GPR137: variants seen among roughly 807,000 people sequenced by gnomAD.
The protein encoded by GPR137 is integral membrane protein GPR137.
A neutral mutation model predicts 38.9 loss-of-function variants in GPR137; 20 were observed. The ratio of observed to expected loss-of-function variants is 0.51; its 90% confidence interval spans 0.36 to 0.75. The LOEUF (loss-of-function observed/expected upper bound fraction) is 0.75. Ranked by LOEUF, GPR137 falls within the 30% of genes least tolerant of loss-of-function variation. GPR137 has a pLI of 0.00. For missense variants in GPR137, 456 were observed against 526.4 expected, an observed-to-expected ratio of 0.87 and a Z score of 1.31; for synonymous variants, 226 against 235.8, an observed-to-expected ratio of 0.96 and a Z score of 0.38.
At chr11:64,280,439 C>T (rs2033385838), upstream of GPR137, among the ~76,000 whole-genome samples, 2 of 146,694 alleles carry the variant, frequency 1.4e-5, no homozygotes, top group Admixed American at 1.3e-4. Flanking sequence ...GCAAGCTCTG[C>T]CTCCCGGGTT....
intron 2 of GPR137, 188 bp downstream of exon 2, chr11:64,287,202 A>G (rs1235339792): frequency 5.1e-6 from 5 of 985,320 alleles, no homozygotes; most frequent in Non-Finnish European, 6.0e-6. Context: ...TGCAAGGCAC[A>G]GGAATAGGAA....
chr11:64,283,773 C>G (rs936576009), upstream of GPR137, among the ~76,000 whole-genome samples: 1 of 152,130 alleles, frequency 6.6e-6, no homozygotes, highest in Non-Finnish European at 1.5e-5. Flanking sequence ...GATTTCTGTC[C>G]TAACCCCACA....
At chr11:64,271,602 C>T (rs1292317861), upstream of GPR137, 2 of 1,428,974 alleles carry the variant, frequency 1.4e-6, no homozygotes, top group African/African-American at 1.5e-5. Context: ...ACGCTGGGGA[C>T]TGGCGCTCAC....
chr11:64,284,849 C>G (rs1555071210), upstream of GPR137: 1 of 1,503,158 alleles, frequency 6.7e-7, no homozygotes, highest in Middle Eastern at 1.7e-4. Flanking sequence ...TTTCCTCCCT[C>G]CTTCGGCCCC....
upstream of GPR137, chr11:64,284,657 C>A: frequency 2.0e-6 from 3 of 1,534,264 alleles, no homozygotes; most frequent in Non-Finnish European, 2.6e-6. Context: ...AGGCCCCTGA[C>A]CCGGGCCTGC....
upstream of GPR137, chr11:64,271,979 G>A (rs894866867): frequency 2.0e-5 from 9 of 442,802 alleles, no homozygotes; most frequent in Non-Finnish European, 3.0e-5. Context: ...GGAAGCTCAG[G>A]GGCCTTTGGT....
At position 64,288,529 on chromosome 11, in the gene GPR137, G is replaced by A. The variant is rs2034403924; in HGVS notation, c.912+61G>A. On this transcript the variant is annotated intron_variant, in intron 5 of 6. Coordinates refer to ENST00000438980, the MANE Select transcript of GPR137 (RefSeq NM_001170880.2). The surrounding 1 kb of genome is among the most constrained non-coding windows in gnomAD (Gnocchi z 5.5). ...AGGGGGCGGATGTTGCAAATCCTGGGTTGGAGTCTGGGGTTGGGCCTGGGA... is the reference window on the plus strand; with the variant it reads ...AGGGGGCGGATGTTGCAAATCCTGGATTGGAGTCTGGGGTTGGGCCTGGGA... 10 of 1,613,350 alleles carry A rather than the reference G, an allele frequency of 6.2e-6. No individual in the cohort carries two copies. The Admixed American group carries it at 1.2e-4, about 19-fold the overall frequency.
At chr11:64,280,358 A>ATAAT (rs1555069795), upstream of GPR137, among the ~76,000 whole-genome samples, 1,047 of 132,244 alleles carry the variant, frequency 7.9e-3, 6 homozygotes, top group Non-Finnish European at 0.012. Context: ...AATAATAATA[A>ATAAT]TTTTTTTTTT....
At chr11:64,270,652 G>A (rs747775290) in exon 1 of GPR137, 1 of 601,624 alleles carries the variant, frequency 1.7e-6, no homozygotes, top group South Asian at 1.5e-5. Context: ...TCAAAGGGCC[G>A]GGAGCGATGG....
At chr11:64,283,713 G>A (rs1046782029), upstream of GPR137, among the ~76,000 whole-genome samples, 9 of 152,212 alleles carry the variant, frequency 5.9e-5, no homozygotes, top group African/African-American at 1.9e-4. Context: ...AGGAAGGTGT[G>A]GCCTTAGGCA....
At chr11:64,284,661 G>A (rs1565353920), upstream of GPR137, 1 of 1,534,760 alleles carries the variant, frequency 6.5e-7, no homozygotes, top group African/African-American at 1.4e-5. Context: ...CCCTGACCCG[G>A]GCCTGCCGCC....
At position 64,286,407 on chromosome 11, in the gene GPR137, C is replaced by G; in HGVS notation, c.-118C>G. The G allele has an allele frequency of 6.9e-7, 1 of 1,457,386 alleles. No homozygotes were observed. The highest frequency in any genetic ancestry group is 9.0e-7 in the Non-Finnish European group (1 of 1,109,872). 90.3% of individuals were successfully genotyped at this position (1,457,386 alleles called of 1,614,324 possible). On this transcript the variant is annotated 5_prime_UTR_variant, in exon 1 of 7. Transcript: ENST00000438980. ...CCTGTCAGCCACAACTTCTTTCCTC[C>G]TGAGCGCCCCATCTCCCTCTCTGCA...
upstream of GPR137, among the ~76,000 whole-genome samples, chr11:64,280,218 G>A (rs1380131157): frequency 6.6e-6 from 1 of 150,698 alleles, no homozygotes; most frequent in Non-Finnish European, 1.5e-5. Context: ...TACTCTGGAG[G>A]CTGAGGCAGG....
rs1228561676 is a variant in GPR137 at position 64,287,667 on chromosome 11, G to A, written c.408-54G>A. On this transcript the variant is annotated intron_variant, in intron 2 of 6. Transcript: ENST00000438980. The stretch of plus-strand genomic sequence containing the variant: ...GGGTTTCCTGCAGGAGGTGGGGCAG[G>A]TGGTGAGTGCTGAGGGCTGTTGAGG... 1.2e-5 allele frequency: 19 copies of A among 1,591,932 alleles called. No individual in the cohort carries two copies. The Admixed American group carries it at 2.8e-4, about 24-fold the overall frequency.
chr11:64,278,533 C>A (rs920407822), intron 2 of GPR137, among the ~76,000 whole-genome samples: 2 of 152,114 alleles, frequency 1.3e-5, no homozygotes, highest in Non-Finnish European at 2.9e-5. Flanking sequence ...CACAGCCCTG[C>A]GAGGTGGGAC....
upstream of GPR137, among the ~76,000 whole-genome samples, chr11:64,274,221 TACTAAA>T (rs1156624591): frequency 6.6e-6 from 1 of 150,724 alleles, no homozygotes; most frequent in African/African-American, 2.4e-5. Flanking sequence ...ACCCCATCTG[TACTAAA>T]AGTACAAAAA....
chr11:64,277,324 G>T (rs766737153), intron 2 of GPR137, among the ~76,000 whole-genome samples: 2 of 152,216 alleles, frequency 1.3e-5, no homozygotes, highest in Non-Finnish European at 2.9e-5. Flanking sequence ...GTAGGCCTCA[G>T]CCTTGACTAT....
rs776960634 is a variant in GPR137 at position 64,288,225 on chromosome 11, G to C, written c.783+11G>C. 7.5e-6 allele frequency: 12 copies of C among 1,610,584 alleles called. No homozygotes were observed. Among genetic ancestry groups the C allele is most frequent in the Admixed American group, 1.7e-5 (1 of 59,934 alleles). On this transcript the variant is annotated intron_variant, in intron 4 of 6. Transcript: ENST00000438980. The surrounding 1 kb of genome is among the most constrained non-coding windows in gnomAD (Gnocchi z 5.5). ...AATGTGTCTGACCAGGTGGGCATAC[G>C]CATGTCTGCCACCTCCTTAGTAGCC...
upstream of GPR137, among the ~76,000 whole-genome samples, chr11:64,275,030 G>A (rs1052797039): frequency 4.9e-5 from 7 of 143,134 alleles, no homozygotes; most frequent in East Asian, 2.0e-4. Context: ...GTAAGGGAAC[G>A]AGAGGACGGA....
Sources: allele counts gnomAD v4.1 joint callset (sites outside exome capture counted in the v4.1 genomes callset), GRCh38; gene constraint gnomAD v4.1.1; non-coding constraint Gnocchi (gnomAD v3.1); transcripts MANE v1.5; gene names NCBI Gene and HGNC (gene_info 2026-07-23, HGNC 2026-07-21).